Variants in DCC observed in about 807,000 individuals in gnomAD.
DCC encodes the protein DCC netrin 1 receptor, also known as netrin receptor DCC.
Under a neutral mutation model 172.5 loss-of-function variants are expected in DCC, and 58 were observed. The ratio of observed to expected loss-of-function variants is 0.34; its 90% confidence interval spans 0.27 to 0.42. DCC has a LOEUF of 0.42. DCC is among the 10% of genes least tolerant of loss of function. DCC has a pLI of 1.00. For missense variants in DCC, 1,740 were observed against 1,791.0 expected, an observed-to-expected ratio of 0.97 and a Z score of 0.51; for synonymous variants, 709 against 644.5, an observed-to-expected ratio of 1.10 and a Z score of -1.52.
chr18:52,501,263 T>C (rs1598868859), intron 1 of DCC, among the ~76,000 whole-genome samples: 1 of 152,118 alleles, frequency 6.6e-6, no homozygotes, highest in Non-Finnish European at 1.5e-5. Flanking sequence ...TTATTAAAGA[T>C]GGAGCAGGTA....
At chr18:52,697,097 G>T (rs1392282830) in intron 1 of DCC, among the ~76,000 whole-genome samples, 1 of 152,164 alleles carries the variant, frequency 6.6e-6, no homozygotes, top group African/African-American at 2.4e-5. Flanking sequence ...ATAAAACAGA[G>T]ATTTTTCTTT....
chr18:52,467,971 G>T (rs532823855), intron 1 of DCC, among the ~76,000 whole-genome samples: 13 of 152,242 alleles, frequency 8.5e-5, no homozygotes, highest in South Asian at 8.3e-4. Context: ...TGGATAGATT[G>T]CAACAGTTCC....
chr18:53,042,461 A>AT (rs1375315413), intron 5 of DCC, among the ~76,000 whole-genome samples: 2 of 151,812 alleles, frequency 1.3e-5, no homozygotes, highest in Non-Finnish European at 2.9e-5. Flanking sequence ...TTGGCCTGAA[A>AT]TTTTCTCTTT....
intron 1 of DCC, among the ~76,000 whole-genome samples, chr18:52,577,694 A>G (rs189924697): frequency 1.3e-5 from 2 of 152,292 alleles, no homozygotes; most frequent in Admixed American, 1.3e-4. Context: ...AGCAATCTCT[A>G]AGGAAAGAAA....
At chr18:52,479,924 G>A (rs118097362) in intron 1 of DCC, among the ~76,000 whole-genome samples, 14 of 152,112 alleles carry the variant, frequency 9.2e-5, no homozygotes, top group Non-Finnish European at 1.9e-4. Flanking sequence ...TTGATTGGTA[G>A]CAAACTATAT....
intron 7 of DCC, among the ~76,000 whole-genome samples, chr18:53,123,707 C>A (rs1268294756): frequency 6.6e-6 from 1 of 151,990 alleles, no homozygotes; most frequent in Non-Finnish European, 1.5e-5. Context: ...TTCATTCTTT[C>A]TATTACTTTC....
chr18:52,776,332 A>G (rs1778219192), intron 2 of DCC, among the ~76,000 whole-genome samples: 1 of 152,120 alleles, frequency 6.6e-6, no homozygotes, highest in Admixed American at 6.5e-5. Flanking sequence ...TATTATATTT[A>G]TAACTTATAG....
At chr18:53,246,872 T>C (rs575297981) in intron 12 of DCC, among the ~76,000 whole-genome samples, 78 of 152,182 alleles carry the variant, frequency 5.1e-4, no homozygotes, top group African/African-American at 1.8e-3. Context: ...AGTTGGGAAT[T>C]CATGGAAATA....
At chr18:53,503,861 C>T (rs1453426466) in intron 27 of DCC, among the ~76,000 whole-genome samples, 2 of 151,718 alleles carry the variant, frequency 1.3e-5, no homozygotes, top group Non-Finnish European at 2.9e-5. Context: ...TTACACATTG[C>T]ATTTTACACA....
At chr18:53,183,583 T>C (rs2055232230) in intron 9 of DCC, among the ~76,000 whole-genome samples, 2 of 152,114 alleles carry the variant, frequency 1.3e-5, no homozygotes, top group African/African-American at 4.8e-5. Flanking sequence ...ATGGGAAGCC[T>C]ATTTGCAAGA....
At chr18:52,610,207 A>C (rs188088575) in intron 1 of DCC, among the ~76,000 whole-genome samples, 891 of 80,546 alleles carry the variant, frequency 0.011, 136 homozygotes, top group African/African-American at 0.053. Context: ...ATATATATAT[A>C]TATATATATA....
chr18:52,738,378 A>G (rs1335074014), intron 1 of DCC, among the ~76,000 whole-genome samples: 1 of 152,170 alleles, frequency 6.6e-6, no homozygotes, highest in Non-Finnish European at 1.5e-5. Context: ...ATAAACTACA[A>G]ACCTGTACAG....
At chr18:53,516,406 G>T (rs12959935) in intron 27 of DCC, among the ~76,000 whole-genome samples, 2,675 of 135,372 alleles carry the variant, frequency 0.02, 60 homozygotes, top group African/African-American at 0.067. Context: ...ACTTCATGTC[G>T]AAAACACCAA....
At chr18:53,237,075 C>T (rs572244102) in intron 12 of DCC, 1 of 151,996 alleles carries the variant, frequency 6.6e-6, no homozygotes, top group South Asian at 2.1e-4. Flanking sequence ...AAAACCGTTA[C>T]TCTCCACAAA....
chr18:53,233,551 T>A (rs1043881709), intron 12 of DCC, among the ~76,000 whole-genome samples: 2 of 152,172 alleles, frequency 1.3e-5, no homozygotes, highest in African/African-American at 4.8e-5. Context: ...TTATCATATT[T>A]TCATTCAAAG....
intron 12 of DCC, among the ~76,000 whole-genome samples, chr18:53,221,182 T>C (rs890523807): frequency 6.6e-6 from 1 of 152,136 alleles, no homozygotes; most frequent in Non-Finnish European, 1.5e-5. Context: ...TTAAATTAAA[T>C]ACAAATTTAA....
chr18:52,454,276 G>C (rs1988393046), intron 1 of DCC, among the ~76,000 whole-genome samples: 4 of 152,096 alleles, frequency 2.6e-5, no homozygotes, highest in Admixed American at 6.5e-5. Context: ...GCACATAGGA[G>C]CTGTGAAAGC....
intron 28 of DCC, among the ~76,000 whole-genome samples, chr18:53,528,182 T>G (rs1232552899): frequency 6.6e-6 from 1 of 152,148 alleles, no homozygotes; most frequent in African/African-American, 2.4e-5. Context: ...ATCATTTCAT[T>G]TGAATGAAGA....
intron 9 of DCC, among the ~76,000 whole-genome samples, chr18:53,179,999 C>T (rs1248713825): frequency 6.6e-6 from 1 of 152,088 alleles, no homozygotes; most frequent in Admixed American, 6.5e-5. Flanking sequence ...TTTTGATTTC[C>T]TGTTCATTTT....
Sources: gnomAD v4.1 joint callset for allele counts (sites outside exome capture counted in the v4.1 genomes callset) on GRCh38, gnomAD v4.1.1 for gene constraint, MANE v1.5 for transcripts, NCBI Gene and HGNC (gene_info 2026-07-23, HGNC 2026-07-21) for gene names.